TSBP1: variants seen among roughly 807,000 people sequenced by gnomAD.
The protein encoded by TSBP1 is testis-expressed basic protein 1.
In TSBP1, 56 loss-of-function variants were observed where a neutral mutation model predicts 68.8. That is an observed-to-expected ratio of 0.81 (90% CI 0.66 to 1.02). The LOEUF is 1.02. Ranked by LOEUF, TSBP1 falls within the 50% of genes least tolerant of loss-of-function variation. The pLI, the probability that TSBP1 is intolerant of heterozygous loss-of-function variation, is 0.00. For missense variants in TSBP1, 502 were observed against 641.2 expected, an observed-to-expected ratio of 0.78 and a Z score of 2.34; for synonymous variants, 171 against 208.7, an observed-to-expected ratio of 0.82 and a Z score of 1.56.
intron 4 of TSBP1, 69 bp from the exon 5 acceptor site, chr6:32,366,371 A>G (rs779868426): frequency 3.0e-5 from 42 of 1,404,594 alleles, no homozygotes; most frequent in African/African-American, 4.3e-5. Flanking sequence ...TTTTTGTTAG[A>G]TAGAAATCTG....
chr6:32,368,735 A>T (rs768195327), intron 3 of TSBP1, 47 bp downstream of exon 3: 2 of 1,512,680 alleles, frequency 1.3e-6, no homozygotes, highest in Non-Finnish European at 1.8e-6. Context: ...ACTTGTGAAA[A>T]TTCTATAAGT....
intron 6 of TSBP1, among the ~76,000 whole-genome samples, chr6:32,360,846 C>T (rs571643145): frequency 2.0e-3 from 295 of 151,258 alleles, no homozygotes; most frequent in African/African-American, 6.5e-3. Context: ...GTCCTTAGTC[C>T]ATTTTATTTT....
At chr6:32,351,054 T>C (rs539320560) in intron 8 of TSBP1, among the ~76,000 whole-genome samples, 121 of 152,278 alleles carry the variant, frequency 7.9e-4, no homozygotes, top group African/African-American at 2.6e-3. Context: ...ATGGAACTGA[T>C]AGATAATAAA....
At position 32,292,885 on chromosome 6, in the gene TSBP1, TG is replaced by T; in HGVS notation, c.*95del. ...ATGAAGATGAAAGGGATTTTATAAT[TG>T]TAATCTGTTTAGGCAATGGCTGGGA... is the stretch of plus-strand genomic sequence containing the variant. On this transcript the variant is annotated 3_prime_UTR_variant, in exon 23 of 23. Transcript: ENST00000612031. The surrounding 1 kb of genome is among the most constrained non-coding windows in gnomAD (Gnocchi z 4.1). 1.3e-6 allele frequency: 1 copy of T among 741,590 alleles called. No homozygotes were observed. The highest frequency in any genetic ancestry group is 2.2e-6 in the Non-Finnish European group (1 of 444,480). The allele number at this position is 741,590 out of a possible 1,614,324, so 45.9% of individuals were successfully genotyped here. A position where few individuals can be genotyped will look rare whatever the true frequency, so the allele number is the denominator to read the frequency against.
chr6:32,326,410 A>T (rs1474848226), intron 16 of TSBP1, among the ~76,000 whole-genome samples: 1 of 152,206 alleles, frequency 6.6e-6, no homozygotes. Context: ...AGTGTAAAGC[A>T]TTCCGACAAA....
chr6:32,332,184 T>G, intron 14 of TSBP1, 130 bp from the exon 16 acceptor site: 2 of 669,322 alleles, frequency 3.0e-6, no homozygotes, highest in Non-Finnish European at 5.3e-6. Flanking sequence ...TATGAGATCA[T>G]TAGGGAGACT....
rs1157217725 is a variant in TSBP1, at chr6:32,362,517, T to C, written c.217+3650A>G. Among the ~76,000 whole-genome samples the C allele has an allele frequency of 2.0e-5, 3 of 152,254 alleles. No individual in the cohort carries two copies. The East Asian group carries it at 5.8e-4, about 29-fold the overall frequency. On this transcript the variant is annotated intron_variant, in intron 6 of 22. Transcript: ENST00000612031. Reference sequence around the variant, plus strand: ...TTACCCAGTTTCAGATATTCTGTTATAAGCAACAGAAACAGATTAAGACAA... The same window carrying C: ...TTACCCAGTTTCAGATATTCTGTTACAAGCAACAGAAACAGATTAAGACAA...
chr6:32,335,852 T>A lies in TSBP1; in HGVS notation c.451+60A>T. The A allele has an allele frequency of 7.4e-7, 1 of 1,347,448 alleles. No individual in the cohort carries two copies. The highest frequency in any genetic ancestry group is 1.1e-6 in the Non-Finnish European group (1 of 942,686). The allele number at this position is 1,347,448 out of a possible 1,614,324, so 83.5% of individuals were successfully genotyped here. Reference sequence around the variant, plus strand: ...TCCCAACATGGAAACCAGGTAGCGATCCCTAAGATACTGCAGGAAAGTAAA... The same window carrying A: ...TCCCAACATGGAAACCAGGTAGCGAACCCTAAGATACTGCAGGAAAGTAAA... On this transcript the variant is annotated intron_variant, in intron 13 of 22. Transcript: ENST00000612031. The surrounding 1 kb of genome is among the most constrained non-coding windows in gnomAD (Gnocchi z 5.5).
In TSBP1 at chr6:32,310,762, T is replaced by TATATATATATATA. The variant is rs1554188790; in HGVS notation, c.580+5009_580+5010insTATATATATATAT. Among the ~76,000 whole-genome samples, 392 of 95,444 alleles carry TATATATATATATA rather than the reference T, an allele frequency of 4.1e-3. 3 individuals carry two copies. Among genetic ancestry groups the TATATATATATATA allele is most frequent in the African/African-American group, 0.014 (371 of 26,546 alleles). The allele number at this position is 95,444 out of a possible 152,430, so 62.6% of individuals were successfully genotyped here. ...ATATATACATATATATATATATATA[T>TATATATATATATA]TTTTAATCTTTTTAGAAAGGATAGT... On this transcript the variant is annotated intron_variant, in intron 19 of 22. Transcript: ENST00000612031.
At chr6:32,360,867 G>GT (rs1197681050) in intron 6 of TSBP1, among the ~76,000 whole-genome samples, 2 of 139,602 alleles carry the variant, frequency 1.4e-5, no homozygotes, top group African/African-American at 2.5e-5. Context: ...ATTTTATTTT[G>GT]TTTTTTTCTC....
In TSBP1 at chr6:32,371,715, T is replaced by C. The variant is rs889763522; in HGVS notation, c.-9A>G. On this transcript the variant is annotated 5_prime_UTR_variant, in exon 1 of 23. The change creates a new upstream start codon in the 5' untranslated region. Coordinates refer to ENST00000612031, the Ensembl canonical transcript of TSBP1. ...ATACCCAAGACTGTCATTTTCCATG[T>C]ATTGTCTTCATCAGGTCTCGCATCA... The C allele has an allele frequency of 3.7e-6, 6 of 1,613,834 alleles. No homozygotes were observed. Among genetic ancestry groups the C allele is most frequent in the Non-Finnish European group, 5.1e-6 (6 of 1,179,692 alleles).
chr6:32,343,189 GC>G lies in TSBP1; in HGVS notation c.350-3552del. The G allele has an allele frequency of 8.3e-7, 1 of 1,204,912 alleles. No individual in the cohort carries two copies. The highest frequency in any genetic ancestry group is 1.1e-6 in the Non-Finnish European group (1 of 915,274). 74.6% of individuals were successfully genotyped at this position (1,204,912 alleles called of 1,614,324 possible). A position where few individuals can be genotyped will look rare whatever the true frequency, so the allele number is the denominator to read the frequency against. ...AAGACAGGGAGAAGTCCTCTGCCTA[GC>G]ATAGGAGCCCAACAACACCAGAGTT... On this transcript the variant is annotated intron_variant, in intron 9 of 22. Coordinates refer to ENST00000612031, the Ensembl canonical transcript of TSBP1. The surrounding 1 kb of genome is among the most constrained non-coding windows in gnomAD (Gnocchi z 4.3).
chr6:32,300,614 T>C lies in TSBP1; in HGVS notation c.622+66A>G, dbSNP rs1765186850. 2.8e-6 allele frequency: 4 copies of C among 1,420,616 alleles called. No homozygotes were observed. In the African/African-American group the frequency reaches 5.7e-5, roughly 20 times the overall value. 88.0% of individuals were successfully genotyped at this position (1,420,616 alleles called of 1,614,324 possible). ...GAGGAACTCGTAACACAAGAACATT[T>C]GGGAAAAAGAACTTAAAGGTCCTAG... is the stretch of plus-strand genomic sequence containing the variant. On this transcript the variant is annotated intron_variant, in intron 21 of 22. Transcript: ENST00000612031.
chr6:32,301,858 T>C (rs1453373604), intron 20 of TSBP1, among the ~76,000 whole-genome samples: 3 of 151,568 alleles, frequency 2.0e-5, no homozygotes, highest in Non-Finnish European at 4.4e-5. Context: ...ATCTAGTTTT[T>C]CCATATAAAT....
rs1421708514 is a variant in TSBP1 at position 32,355,679 on chromosome 6, TAAAC to T, written c.218-14_218-11del. On this transcript the variant is annotated splice_polypyrimidine_tract_variant and intron_variant, in intron 6 of 22. Transcript: ENST00000612031. ...TCTCTTTTGGATCTCTCTGAAAACATAAACAAAAGAAAGAAAAATCAATTTGGAT... is the reference window on the plus strand; with the variant it reads ...TCTCTTTTGGATCTCTCTGAAAACATAAAAGAAAGAAAAATCAATTTGGAT... 1.3e-6 allele frequency: 2 copies of T among 1,586,258 alleles called. No homozygotes were observed. The highest frequency in any genetic ancestry group is 1.7e-6 in the Non-Finnish European group (2 of 1,169,226).
At chr6:32,358,285 G>A (rs999312091) in intron 6 of TSBP1, among the ~76,000 whole-genome samples, 1 of 151,830 alleles carries the variant, frequency 6.6e-6, no homozygotes, top group East Asian at 1.9e-4. Flanking sequence ...TACTGGAGAG[G>A]TTTTTTCCCA....
chr6:32,368,066 T>C (rs1773974835), intron 3 of TSBP1, 109 bp from the exon 4 acceptor site: 1 of 861,206 alleles, frequency 1.2e-6, no homozygotes, highest in East Asian at 2.5e-5. Flanking sequence ...TGAATAATGA[T>C]GTGAATTAAT....
At chr6:32,360,703 C>T (rs1424925992) in intron 6 of TSBP1, among the ~76,000 whole-genome samples, 1 of 152,000 alleles carries the variant, frequency 6.6e-6, no homozygotes, top group East Asian at 1.9e-4. Context: ...ATATCCTTGC[C>T]AACACTTGTT....
At chr6:32,368,734 A>C in intron 3 of TSBP1, 48 bp downstream of exon 3, 1 of 1,511,218 alleles carries the variant, frequency 6.6e-7, no homozygotes, top group South Asian at 1.2e-5. Context: ...GACTTGTGAA[A>C]ATTCTATAAG....
Sources: gnomAD v4.1 joint callset for allele counts (sites outside exome capture counted in the v4.1 genomes callset) on GRCh38, gnomAD v4.1.1 for gene constraint, Gnocchi (gnomAD v3.1) non-coding constraint, MANE v1.5 for transcripts, NCBI Gene and HGNC (gene_info 2026-07-23, HGNC 2026-07-21) for gene names.